Variants in DAB1 observed in about 807,000 individuals in gnomAD.
The protein encoded by DAB1 is disabled homolog 1.
Under a neutral mutation model 64.6 loss-of-function variants are expected in DAB1, and 15 were observed. That is an observed-to-expected ratio of 0.23 (90% CI 0.16 to 0.36). The LOEUF is 0.36. Among genes scored for constraint, DAB1 ranks in the 10% least tolerant of loss-of-function variants. The pLI, the probability that DAB1 is intolerant of heterozygous loss-of-function variation, is 1.00. For missense variants in DAB1, 596 were observed against 706.7 expected, an observed-to-expected ratio of 0.84 and a Z score of 1.78; for synonymous variants, 235 against 251.9, an observed-to-expected ratio of 0.93 and a Z score of 0.64.
rs571551060 is a variant in DAB1, at chr1:58,051,694, A to G, written n.387+98817T>C. On this transcript the variant is annotated intron_variant and non_coding_transcript_variant, in intron 5 of 20. Coordinates refer to the DAB1 transcript ENST00000485760. Reference sequence around the variant, plus strand: ...GTAAAAGCATTCCTATTTCTCCACAACCTCTCCAGCATTTGTTGTTTCCTG... The same window carrying G: ...GTAAAAGCATTCCTATTTCTCCACAGCCTCTCCAGCATTTGTTGTTTCCTG... 1.2e-4 allele frequency among the ~76,000 whole-genome samples: 18 copies of G among 151,850 alleles called. No homozygotes were observed. The South Asian group carries it at 3.3e-3, about 28-fold the overall frequency.
intron 5 of DAB1, among the ~76,000 whole-genome samples, chr1:58,089,503 A>G (rs1014472151): frequency 2.0e-5 from 3 of 152,250 alleles, no homozygotes; most frequent in Non-Finnish European, 2.9e-5. Flanking sequence ...TGGACCCTCA[A>G]TAAAAAGGTT....
intron 3 of DAB1, among the ~76,000 whole-genome samples, chr1:57,142,165 C>T (rs1383565615): frequency 6.6e-6 from 1 of 152,108 alleles, no homozygotes; most frequent in Non-Finnish European, 1.5e-5. Flanking sequence ...GTCACTCATA[C>T]TCATTATATG....
At chr1:57,610,056 G>A (rs773928211) in intron 7 of DAB1, among the ~76,000 whole-genome samples, 9 of 152,146 alleles carry the variant, frequency 5.9e-5, no homozygotes, top group African/African-American at 9.7e-5. Flanking sequence ...TGGCTCCTCA[G>A]CCCTTGATTC....
At chr1:58,327,278 G>GA (rs1197211051) in intron 4 of DAB1, among the ~76,000 whole-genome samples, 6 of 152,070 alleles carry the variant, frequency 3.9e-5, no homozygotes, top group African/African-American at 1.4e-4. Flanking sequence ...GAATATGGGG[G>GA]AAAAAGAAGA....
At chr1:57,132,158 A>G (rs373860271) in intron 4 of DAB1, among the ~76,000 whole-genome samples, 1 of 152,110 alleles carries the variant, frequency 6.6e-6, no homozygotes, top group African/African-American at 2.4e-5. Context: ...GTCTCTGAAC[A>G]TGGACAACTC....
At chr1:57,208,426 T>G (rs1665758409) in intron 2 of DAB1, among the ~76,000 whole-genome samples, 1 of 152,156 alleles carries the variant, frequency 6.6e-6, no homozygotes, top group Non-Finnish European at 1.5e-5. Flanking sequence ...CCCTTTCAAA[T>G]GAGGTTTCCT....
intron 3 of DAB1, among the ~76,000 whole-genome samples, chr1:58,483,777 A>G (rs1557435248): frequency 6.6e-6 from 1 of 152,250 alleles, no homozygotes; most frequent in East Asian, 1.9e-4. Flanking sequence ...GACATCAGGC[A>G]TGAGCCATGA....
At chr1:58,407,064 C>T (rs570907664) in intron 3 of DAB1, among the ~76,000 whole-genome samples, 1 of 152,268 alleles carries the variant, frequency 6.6e-6, no homozygotes, top group Admixed American at 6.5e-5. Context: ...TTCAAAAATC[C>T]ATTCATGCCT....
At chr1:57,478,542 T>G (rs1038774802) in intron 7 of DAB1, among the ~76,000 whole-genome samples, 2 of 151,502 alleles carry the variant, frequency 1.3e-5, no homozygotes, top group African/African-American at 4.8e-5. Flanking sequence ...GATGCTCTCT[T>G]AACCAACCTT....
chr1:57,569,085 C>A (rs1221039993), intron 7 of DAB1, among the ~76,000 whole-genome samples: 3 of 150,094 alleles, frequency 2.0e-5, no homozygotes, highest in Non-Finnish European at 4.5e-5. Flanking sequence ...GGTGAAACCC[C>A]GTCTCTACTA....
chr1:57,259,529 C>T (rs1371479029), intron 2 of DAB1, among the ~76,000 whole-genome samples: 2 of 152,098 alleles, frequency 1.3e-5, no homozygotes, highest in Non-Finnish European at 2.9e-5. Context: ...TGTGCAAAGA[C>T]TTAAAAAATG....
At chr1:57,271,842 C>A (rs917746693) in intron 2 of DAB1, among the ~76,000 whole-genome samples, 1 of 152,196 alleles carries the variant, frequency 6.6e-6, no homozygotes, top group South Asian at 2.1e-4. Flanking sequence ...TACTGTCACA[C>A]TGATTGTTCC....
chr1:58,087,521 C>T (rs1480411727), intron 5 of DAB1, among the ~76,000 whole-genome samples: 1 of 152,146 alleles, frequency 6.6e-6, no homozygotes, highest in East Asian at 1.9e-4. Flanking sequence ...GATATAGGGA[C>T]TCACTGAGTG....
intron 5 of DAB1, among the ~76,000 whole-genome samples, chr1:58,109,940 A>G (rs1021634575): frequency 6.6e-6 from 1 of 152,176 alleles, no homozygotes; most frequent in Non-Finnish European, 1.5e-5. Flanking sequence ...GTGATATGTG[A>G]TATGAATAGA....
intron 4 of DAB1, among the ~76,000 whole-genome samples, chr1:58,300,640 GA>G (rs1557726275): frequency 0.012 from 706 of 57,200 alleles, 27 homozygotes; most frequent in East Asian, 0.023. Context: ...GAGAGAGAGA[GA>G]GAGAGAGGAA....
At chr1:57,953,045 C>T (rs536912252) in intron 5 of DAB1, among the ~76,000 whole-genome samples, 18 of 152,218 alleles carry the variant, frequency 1.2e-4, no homozygotes, top group Non-Finnish European at 2.2e-4. Flanking sequence ...GTGATGGTGG[C>T]TCCCATGGAG....
At position 58,296,170 on chromosome 1, in the gene DAB1, GAAA is replaced by G. The variant is rs1243546915; in HGVS notation, n.309+47179_309+47181del. On this transcript the variant is annotated intron_variant and non_coding_transcript_variant, in intron 4 of 20. Coordinates refer to the DAB1 transcript ENST00000485760. ...AAGAAAGAAAAAAGAAAGAAAGAAA[GAAA>G]AAAGAAAGAAAGAGAAAGAAAGAGA... is the stretch of plus-strand genomic sequence containing the variant. 4.0e-3 allele frequency among the ~76,000 whole-genome samples: 365 copies of G among 90,804 alleles called. 5 individuals are homozygous for G. In the Middle Eastern group the frequency reaches 0.041, roughly 10 times the overall value. The allele number at this position is 90,804 out of a possible 152,430, so 59.6% of individuals were successfully genotyped here. A position where few individuals can be genotyped will look rare whatever the true frequency, so the allele number is the denominator to read the frequency against.
At chr1:57,837,597 C>A (rs552294294) in intron 1 of DAB1, among the ~76,000 whole-genome samples, 7 of 152,252 alleles carry the variant, frequency 4.6e-5, no homozygotes, top group Non-Finnish European at 1.0e-4. Context: ...CTCCCATAGC[C>A]TCTAGGAAAA....
At chr1:57,569,373 G>A (rs949531849) in intron 7 of DAB1, among the ~76,000 whole-genome samples, 6 of 151,230 alleles carry the variant, frequency 4.0e-5, no homozygotes, top group African/African-American at 1.2e-4. Context: ...TTAAGAAAAT[G>A]TGGCACATAT....
Sources: gnomAD v4.1 joint callset for allele counts (sites outside exome capture counted in the v4.1 genomes callset) on GRCh38, gnomAD v4.1.1 for gene constraint, MANE v1.5 for transcripts, NCBI Gene and HGNC (gene_info 2026-07-23, HGNC 2026-07-21) for gene names.